SPRED1: variants seen among roughly 807,000 people sequenced by gnomAD.
SPRED1 encodes sprouty-related, EVH1 domain-containing protein 1.
A neutral mutation model predicts 52.3 loss-of-function variants in SPRED1; 18 were observed. That is an observed-to-expected ratio of 0.34 (90% confidence interval 0.24 to 0.51). The LOEUF (loss-of-function observed/expected upper bound fraction) is 0.51. SPRED1 is among the 20% of genes least tolerant of loss of function. SPRED1 has a pLI of 0.97. For missense variants in SPRED1, 485 were observed against 551.0 expected, an observed-to-expected ratio of 0.88 and a Z score of 1.20; for synonymous variants, 155 against 179.7, an observed-to-expected ratio of 0.86 and a Z score of 1.10.
Position 38,253,020 on chromosome 15 carries a change from G to A in SPRED1, c.-166G>A, listed in dbSNP as rs542772692. The A allele has an allele frequency of 6.0e-6, 4 of 665,396 alleles. No individual in the cohort carries two copies. Among genetic ancestry groups the A allele is most frequent in the African/African-American group, 1.8e-5 (1 of 56,036 alleles). 41.2% of individuals were successfully genotyped at this position (665,396 alleles called of 1,614,324 possible). ...CCCTGCGGGGGTGGCCGGGGTTCCC[G>A]GCTGGGGGGGTACCGTTCTGGGTGA... On this transcript the variant is annotated 5_prime_UTR_variant, in exon 1 of 7. Coordinates refer to ENST00000299084, the MANE Select transcript of SPRED1 (RefSeq NM_152594.3).
At chr15:38,324,660 G>A in intron 3 of SPRED1, 103 bp from the exon 4 acceptor site, 2 of 912,402 alleles carry the variant, frequency 2.2e-6, no homozygotes, top group Non-Finnish European at 3.4e-6. Flanking sequence ...AAAGATCTCT[G>A]ATTAGTCTTC....
intron 1 of SPRED1, among the ~76,000 whole-genome samples, chr15:38,281,569 T>TA (rs1463069968): frequency 6.9e-6 from 1 of 145,074 alleles, no homozygotes; most frequent in East Asian, 2.0e-4. Context: ...ATTTTTTTTT[T>TA]TTTTTTTTTT....
At chr15:38,327,882 T>C (rs1462738430) in intron 4 of SPRED1, among the ~76,000 whole-genome samples, 2 of 152,234 alleles carry the variant, frequency 1.3e-5, no homozygotes, top group South Asian at 2.1e-4. Flanking sequence ...AGTTTAACTT[T>C]TTCTTAAGAC....
intron 5 of SPRED1, among the ~76,000 whole-genome samples, chr15:38,344,807 G>A (rs1435451308): frequency 6.6e-6 from 1 of 152,100 alleles, no homozygotes; most frequent in African/African-American, 2.4e-5. Context: ...CCTTGTAATT[G>A]ATAATTTCTT....
In SPRED1 at chr15:38,349,481, G is replaced by A. The variant is rs1896208639; in HGVS notation, c.642G>A (p.Arg214=). The change falls in exon 6 of 7, where the codon CGG becomes CGA. Residue 214 remains arginine, a synonymous_variant. Transcript: ENST00000299084. Reference sequence around the variant, plus strand: ...GCAGAAGTATGGAATACGTACAGCGGCAAATATCCAAGGAATGTGGAAGCC... The same window carrying A: ...GCAGAAGTATGGAATACGTACAGCGACAAATATCCAAGGAATGTGGAAGCC... ...IQSRSMEYVQ[R]QISKECGSLK... is the part of the protein sequence containing the mutation. 6.2e-7 allele frequency: 1 copy of A among 1,612,552 alleles called. No homozygotes were observed. Among genetic ancestry groups the A allele is most frequent in the South Asian group, 1.1e-5 (1 of 91,064 alleles).
chr15:38,278,319 C>A (rs1278671928), intron 1 of SPRED1, among the ~76,000 whole-genome samples: 1 of 151,962 alleles, frequency 6.6e-6, no homozygotes, highest in Non-Finnish European at 1.5e-5. Context: ...CTGTCTCTAC[C>A]AAAGATTTAA....
rs1312016036 is a variant in SPRED1 at position 38,355,046 on chromosome 15, C to G, written c.*3382C>G. 1 of 152,288 alleles carries G rather than the reference C, an allele frequency of 6.6e-6. No individual in the cohort carries two copies. The highest frequency in any genetic ancestry group is 2.4e-5 in the African/African-American group (1 of 41,420). The allele number at this position is 152,288 out of a possible 1,614,324, so 9.4% of individuals were successfully genotyped here. On this transcript the variant is annotated 3_prime_UTR_variant, in exon 7 of 7. Transcript: ENST00000299084. ...TCTCAGCTCACTGCAACCTCCGCCT[C>G]CTGGGTTCAAGCGATTCTCCTGCCT... is the stretch of plus-strand genomic sequence containing the variant.
chr15:38,295,515 G>T (rs1895017898), intron 1 of SPRED1, among the ~76,000 whole-genome samples: 1 of 152,142 alleles, frequency 6.6e-6, no homozygotes. Context: ...GTCTGTTGTT[G>T]ACGGAAACGT....
chr15:38,344,638 C>T (rs1400765069), intron 5 of SPRED1, among the ~76,000 whole-genome samples: 2 of 152,094 alleles, frequency 1.3e-5, no homozygotes, highest in Non-Finnish European at 2.9e-5. Flanking sequence ...TGGCCTTGGG[C>T]AAGCTACTTA....
intron 2 of SPRED1, among the ~76,000 whole-genome samples, chr15:38,302,799 C>T (rs886980437): frequency 6.6e-6 from 1 of 152,118 alleles, no homozygotes; most frequent in African/African-American, 2.4e-5. Context: ...GTGTTGTAGC[C>T]TAAGAAAATG....
At chr15:38,321,001 G>A (rs1008815965) in intron 2 of SPRED1, among the ~76,000 whole-genome samples, 1 of 152,172 alleles carries the variant, frequency 6.6e-6, no homozygotes, top group Non-Finnish European at 1.5e-5. Flanking sequence ...AAAGTGGAAC[G>A]TGGTCTATGG....
chr15:38,253,783 A>G (rs1378502844), intron 1 of SPRED1, among the ~76,000 whole-genome samples: 2 of 152,156 alleles, frequency 1.3e-5, no homozygotes, highest in Admixed American at 6.5e-5. Context: ...TTAGAATTTA[A>G]TAGGATTAAG....
chr15:38,261,258 G>T (rs1001728138), intron 1 of SPRED1, among the ~76,000 whole-genome samples: 1 of 152,162 alleles, frequency 6.6e-6, no homozygotes, highest in African/African-American at 2.4e-5. Context: ...GATTTAAAAC[G>T]AGGGTGTGGG....
chr15:38,318,055 A>G (rs1895525470), intron 2 of SPRED1, among the ~76,000 whole-genome samples: 1 of 152,056 alleles, frequency 6.6e-6, no homozygotes, highest in Admixed American at 6.5e-5. Context: ...TGAGCAATAG[A>G]CTGTTCTAGG....
At chr15:38,274,223 T>C (rs1486863549) in intron 1 of SPRED1, among the ~76,000 whole-genome samples, 1 of 152,220 alleles carries the variant, frequency 6.6e-6, no homozygotes, top group Admixed American at 6.5e-5. Flanking sequence ...CACCCTTGGA[T>C]ACCCTTGGTT....
At chr15:38,325,875 A>T (rs560198214) in intron 4 of SPRED1, 1 of 152,280 alleles carries the variant, frequency 6.6e-6, no homozygotes, top group Admixed American at 6.5e-5. Flanking sequence ...TTCCTGGTCA[A>T]CAGGAATTGT....
intron 1 of SPRED1, among the ~76,000 whole-genome samples, chr15:38,253,658 A>G (rs1276581664): frequency 6.6e-6 from 1 of 151,732 alleles, no homozygotes; most frequent in Non-Finnish European, 1.5e-5. Context: ...TTGAATCTTA[A>G]TTCGATGAGT....
chr15:38,257,135 CCTT>C (rs1167432762), intron 1 of SPRED1, among the ~76,000 whole-genome samples: 5 of 152,122 alleles, frequency 3.3e-5, no homozygotes, highest in Admixed American at 3.3e-4. Context: ...CCCCAAAAGA[CCTT>C]CTCTCTTCCC....
intron 1 of SPRED1, among the ~76,000 whole-genome samples, chr15:38,254,527 C>G (rs1046543850): frequency 2.0e-5 from 3 of 152,190 alleles, no homozygotes; most frequent in African/African-American, 7.2e-5. Flanking sequence ...AATAATTAAA[C>G]ATCCATCACC....
Sources: allele counts gnomAD v4.1 joint callset (sites outside exome capture counted in the v4.1 genomes callset), GRCh38; gene constraint gnomAD v4.1.1; transcripts MANE v1.5; gene names NCBI Gene and HGNC (gene_info 2026-07-23, HGNC 2026-07-21).